LDLRAD3: variants seen among roughly 807,000 people sequenced by gnomAD.
LDLRAD3 encodes the protein low-density lipoprotein receptor class A domain-containing protein 3.
Under a neutral mutation model 29.4 loss-of-function variants are expected in LDLRAD3, and 20 were observed. That is an observed-to-expected ratio of 0.68 (90% CI 0.48 to 0.99). LDLRAD3 has a LOEUF of 0.99. Among genes scored for constraint, LDLRAD3 ranks in the 50% least tolerant of loss-of-function variants. The pLI is 0.00. For synonymous variants in LDLRAD3, 157 were observed against 192.7 expected (o/e 0.81, Z 1.53); for missense variants, 420 against 454.3 (o/e 0.92, Z 0.69).
At chr11:35,995,581 G>A (rs1231093340) in intron 1 of LDLRAD3, among the ~76,000 whole-genome samples, 1 of 152,234 alleles carries the variant, frequency 6.6e-6, no homozygotes, top group Non-Finnish European at 1.5e-5. Context: ...CAGTTAGCCT[G>A]TCCTGTGAAA....
At chr11:36,015,384 A>G (rs1048798559) in intron 1 of LDLRAD3, among the ~76,000 whole-genome samples, 1 of 126,020 alleles carries the variant, frequency 7.9e-6, no homozygotes, top group African/African-American at 3.0e-5. Context: ...CTTGGACTTG[A>G]TAGTGAGGTT....
chr11:36,086,407 G>A (rs1190459353), intron 3 of LDLRAD3, among the ~76,000 whole-genome samples: 2 of 152,198 alleles, frequency 1.3e-5, no homozygotes, highest in Non-Finnish European at 2.9e-5. Context: ...ATGTGTTTTT[G>A]TAGGTAAATG....
intron 2 of LDLRAD3, among the ~76,000 whole-genome samples, chr11:36,040,515 C>T (rs1040859715): frequency 1.2e-4 from 19 of 152,044 alleles, no homozygotes; most frequent in African/African-American, 4.3e-4. Flanking sequence ...TGTATCTCCC[C>T]CCATTTTTCT....
intron 2 of LDLRAD3, among the ~76,000 whole-genome samples, chr11:36,049,619 C>T (rs73450456): frequency 0.012 from 1,888 of 152,270 alleles, 29 homozygotes; most frequent in African/African-American, 0.043. Flanking sequence ...AGAGGAGTCA[C>T]ATAAAATGTA....
intron 4 of LDLRAD3, among the ~76,000 whole-genome samples, chr11:36,100,099 C>T (rs79644118): frequency 0.16 from 24,312 of 151,976 alleles, 2,276 homozygotes; most frequent in Admixed American, 0.26. Flanking sequence ...GTTCAGGCCC[C>T]GTTCTAGATC....
intron 4 of LDLRAD3, among the ~76,000 whole-genome samples, chr11:36,137,792 G>A (rs906076140): frequency 5.3e-5 from 8 of 152,216 alleles, no homozygotes; most frequent in East Asian, 1.9e-4. Context: ...GAAAAACGCC[G>A]TTGCTGCCGC....
intron 4 of LDLRAD3, among the ~76,000 whole-genome samples, chr11:36,124,730 C>T (rs562324408): frequency 2.2e-4 from 33 of 150,504 alleles, no homozygotes; most frequent in African/African-American, 7.6e-4. Flanking sequence ...CTCACTCTGT[C>T]GCCCAGGCTG....
chr11:36,090,822 C>T (rs1289233181), intron 3 of LDLRAD3, among the ~76,000 whole-genome samples: 1 of 152,166 alleles, frequency 6.6e-6, no homozygotes, highest in Admixed American at 6.5e-5. Flanking sequence ...ACATAGGCTA[C>T]GTTCTGTCTT....
chr11:36,059,775 T>C (rs752382021), intron 2 of LDLRAD3, among the ~76,000 whole-genome samples: 1 of 151,156 alleles, frequency 6.6e-6, no homozygotes, highest in African/African-American at 2.5e-5. Context: ...GCCTGATTTG[T>C]TTTTTGTTTT....
At chr11:35,987,424 T>C (rs1408462303) in intron 1 of LDLRAD3, among the ~76,000 whole-genome samples, 4 of 152,174 alleles carry the variant, frequency 2.6e-5, no homozygotes, top group Non-Finnish European at 5.9e-5. Flanking sequence ...CTCCTCTGTC[T>C]AGCAGTCTCC....
intron 4 of LDLRAD3, among the ~76,000 whole-genome samples, chr11:36,126,482 C>G (rs190318350): frequency 2.0e-5 from 3 of 152,180 alleles, no homozygotes; most frequent in Non-Finnish European, 4.4e-5. Context: ...TCAGCCAATT[C>G]CAGCATGCAG....
At chr11:36,092,478 G>A (rs1190318018) in intron 3 of LDLRAD3, among the ~76,000 whole-genome samples, 2 of 152,058 alleles carry the variant, frequency 1.3e-5, no homozygotes, top group East Asian at 3.9e-4. Context: ...CTCTATGTTT[G>A]TATCCTTTAA....
chr11:35,950,751 A>T (rs1164127428), intron 1 of LDLRAD3, among the ~76,000 whole-genome samples: 2 of 152,132 alleles, frequency 1.3e-5, no homozygotes, highest in Non-Finnish European at 2.9e-5. Flanking sequence ...TACGTGTCTT[A>T]TTTTGTTATA....
chr11:36,191,603 C>T (rs57596653), intron 4 of LDLRAD3, among the ~76,000 whole-genome samples: 26,285 of 92,802 alleles, frequency 0.28, 3,539 homozygotes, highest in Middle Eastern at 0.36. Flanking sequence ...TATATATACA[C>T]ACACACACAC....
chr11:35,999,617 C>CA (rs1399917136), intron 1 of LDLRAD3, among the ~76,000 whole-genome samples: 1 of 152,068 alleles, frequency 6.6e-6, no homozygotes, highest in Non-Finnish European at 1.5e-5. Context: ...AAGTCTCCCT[C>CA]ACGCTCTTCC....
At chr11:36,081,507 G>A (rs937085210) in intron 2 of LDLRAD3, 146 bp from the exon 3 acceptor site, 3 of 1,038,328 alleles carry the variant, frequency 2.9e-6, no homozygotes, top group Non-Finnish European at 4.3e-6. Flanking sequence ...GGTGTTTGAG[G>A]TGGGTGGTGG....
intron 1 of LDLRAD3, among the ~76,000 whole-genome samples, chr11:35,998,900 T>C (rs1279539008): frequency 3.3e-5 from 5 of 152,184 alleles, no homozygotes; most frequent in African/African-American, 1.2e-4. Flanking sequence ...AATTTGATCA[T>C]TGGTATGAGT....
intron 2 of LDLRAD3, among the ~76,000 whole-genome samples, chr11:36,076,899 T>A (rs557413931): frequency 9.8e-5 from 15 of 152,334 alleles, no homozygotes; most frequent in African/African-American, 3.6e-4. Context: ...TTTCCTGAGT[T>A]ACTTAGGCTG....
At chr11:35,995,697 T>C (rs1473632166) in intron 1 of LDLRAD3, among the ~76,000 whole-genome samples, 2 of 152,266 alleles carry the variant, frequency 1.3e-5, no homozygotes, top group Admixed American at 6.5e-5. Flanking sequence ...GTTTTTAGTG[T>C]AGCCACTGTT....
Sources: allele counts gnomAD v4.1 joint callset (sites outside exome capture counted in the v4.1 genomes callset), GRCh38; gene constraint gnomAD v4.1.1; transcripts MANE v1.5; gene names NCBI Gene and HGNC (gene_info 2026-07-23, HGNC 2026-07-21).